The following CRTC1 variants were observed in gnomAD, a reference collection of about 807,000 sequenced individuals.
CRTC1 encodes the protein CREB-regulated transcription coactivator 1.
Under a neutral mutation model 66.1 loss-of-function variants are expected in CRTC1, and 18 were observed. That is an observed-to-expected ratio of 0.27 (90% confidence interval 0.19 to 0.40). CRTC1 has a LOEUF of 0.40. CRTC1 is among the 10% of genes least tolerant of loss of function. The pLI is 1.00. For missense variants in CRTC1, 669 were observed against 887.9 expected (o/e 0.75, Z 3.13); for synonymous variants, 416 against 398.8 (o/e 1.04, Z -0.51).
intron 1 of CRTC1, among the ~76,000 whole-genome samples, chr19:18,691,107 C>A (rs1600746208): frequency 1.4e-5 from 2 of 145,752 alleles, no homozygotes; most frequent in Non-Finnish European, 3.0e-5. Context: ...GAGGCCGAGG[C>A]AGGAGGATTG....
intron 1 of CRTC1, among the ~76,000 whole-genome samples, chr19:18,693,144 A>G (rs1212601324): frequency 6.7e-6 from 1 of 149,696 alleles, no homozygotes; most frequent in Non-Finnish European, 1.5e-5. Flanking sequence ...TAATCCTAGT[A>G]TTTTGGGAGG....
rs773579892 is a variant in CRTC1, at chr19:18,683,837, G to A, written c.126+9G>A. 2.4e-6 allele frequency: 3 copies of A among 1,250,490 alleles called. No homozygotes were observed. The highest frequency in any genetic ancestry group is 3.1e-6 in the Non-Finnish European group (3 of 966,144). 77.5% of individuals were successfully genotyped at this position (1,250,490 alleles called of 1,614,324 possible). ...TGACGCGGGCCGCGCGGGTAAGGGG[G>A]CTGCCCGCGCCGACCCTTCAGGGCC... On this transcript the variant is annotated intron_variant, in intron 1 of 13. Transcript: ENST00000321949.
Position 18,718,507 on chromosome 19 carries a change from A to ATT in CRTC1, c.127-24386_127-24385dup, listed in dbSNP as rs201526045. The stretch of plus-strand genomic sequence containing the variant: ...GTGCACCACCATGCATGCCTGGCTA[A>ATT]TTTTTTTTTTTTTTTTTTAGAAACA... On this transcript the variant is annotated intron_variant, in intron 1 of 13. Coordinates refer to ENST00000321949, the MANE Select transcript of CRTC1 (RefSeq NM_015321.3). 3.6e-3 allele frequency among the ~76,000 whole-genome samples: 509 copies of ATT among 140,292 alleles called. 9 individuals are homozygous for ATT. In the East Asian group the frequency reaches 0.052, roughly 14 times the overall value. The allele number at this position is 140,292 out of a possible 152,430, so 92.0% of individuals were successfully genotyped here.
intron 1 of CRTC1, among the ~76,000 whole-genome samples, chr19:18,734,992 C>A (rs776730326): frequency 3.9e-5 from 6 of 152,202 alleles, no homozygotes; most frequent in Non-Finnish European, 7.3e-5. Context: ...GCATCCCTTA[C>A]CCCTATGGCG....
chr19:18,777,687 G>T lies in CRTC1; in HGVS notation c.*305G>T, dbSNP rs556496426. 4.9e-6 allele frequency: 2 copies of T among 411,256 alleles called. No homozygotes were observed. The highest frequency in any genetic ancestry group is 8.8e-6 in the Non-Finnish European group (2 of 227,538). The allele number at this position is 411,256 out of a possible 1,614,324, so 25.5% of individuals were successfully genotyped here. A position where few individuals can be genotyped will look rare whatever the true frequency, so the allele number is the denominator to read the frequency against. ...CGCCCCCAGCCCCGGGGCCTGAGCCGTCCCCTGTAAGATGCGGGAAGTGTC... is the reference window on the plus strand; with the variant it reads ...CGCCCCCAGCCCCGGGGCCTGAGCCTTCCCCTGTAAGATGCGGGAAGTGTC... On this transcript the variant is annotated 3_prime_UTR_variant, in exon 14 of 14. Coordinates refer to ENST00000321949, the MANE Select transcript of CRTC1 (RefSeq NM_015321.3). The surrounding 1 kb of genome is among the most constrained non-coding windows in gnomAD (Gnocchi z 5.5).
At chr19:18,763,552 G>T (rs182499107) in intron 8 of CRTC1, among the ~76,000 whole-genome samples, 34 of 152,326 alleles carry the variant, frequency 2.2e-4, no homozygotes, top group Middle Eastern at 3.4e-3. Context: ...CGGACAACGC[G>T]TTTTTTCAGA....
chr19:18,686,000 A>G (rs182588908), intron 1 of CRTC1, among the ~76,000 whole-genome samples: 13 of 152,298 alleles, frequency 8.5e-5, no homozygotes, highest in African/African-American at 2.6e-4. Context: ...GGTTTTTAGT[A>G]TATTCACAGA....
intron 1 of CRTC1, among the ~76,000 whole-genome samples, chr19:18,698,677 G>A (rs2145517638): frequency 6.6e-6 from 1 of 152,126 alleles, no homozygotes; most frequent in East Asian, 1.9e-4. Context: ...CTCAGCACAT[G>A]CACAGTGTGT....
intron 9 of CRTC1, among the ~76,000 whole-genome samples, chr19:18,766,340 T>C (rs919031125): frequency 2.7e-5 from 4 of 147,682 alleles, no homozygotes; most frequent in Admixed American, 2.1e-4. Context: ...GGTTTCACCA[T>C]GCTGGCCAGG....
intron 1 of CRTC1, among the ~76,000 whole-genome samples, chr19:18,719,734 G>A (rs1317903122): frequency 2.0e-5 from 3 of 152,208 alleles, no homozygotes; most frequent in African/African-American, 4.8e-5. Context: ...AGATCGCCCC[G>A]CGGTGCTCAG....
At chr19:18,729,852 C>G (rs549048628) in intron 1 of CRTC1, among the ~76,000 whole-genome samples, 1 of 152,286 alleles carries the variant, frequency 6.6e-6, no homozygotes, top group East Asian at 1.9e-4. Flanking sequence ...TGTCCACACT[C>G]CTTATCCTCG....
chr19:18,772,312 C>T (rs920477798), intron 11 of CRTC1, among the ~76,000 whole-genome samples: 8 of 152,210 alleles, frequency 5.3e-5, no homozygotes, highest in African/African-American at 1.9e-4. Context: ...ACCCCACATT[C>T]CATCTAGAAC....
At chr19:18,774,838 A>C (rs2054946814) in intron 11 of CRTC1, 62 bp from the exon 12 acceptor site, 1 of 1,519,074 alleles carries the variant, frequency 6.6e-7, no homozygotes. Context: ...CGGGCTTGGG[A>C]GGTGCCGACT....
intron 6 of CRTC1, among the ~76,000 whole-genome samples, chr19:18,758,954 C>T (rs73539924): frequency 0.03 from 4,626 of 152,268 alleles, 249 homozygotes; most frequent in African/African-American, 0.1. Flanking sequence ...GGGCTTAGGG[C>T]GGCCAGCTTA....
At chr19:18,759,490 C>A in intron 6 of CRTC1, 61 bp from the exon 7 acceptor site, 1 of 1,568,868 alleles carries the variant, frequency 6.4e-7, no homozygotes, top group South Asian at 1.1e-5. Context: ...GGCCCAGTGC[C>A]CAGGAGGAGG....
Position 18,685,819 on chromosome 19 carries a change from G to A in CRTC1, c.126+1991G>A, listed in dbSNP as rs1295199231. On this transcript the variant is annotated intron_variant, in intron 1 of 13. Coordinates refer to ENST00000321949, the MANE Select transcript of CRTC1 (RefSeq NM_015321.3). ...TTGTCAAATGTTTGCAGTGTGACCG[G>A]AAGAAAGGGGTCACAGTAGGTTCAT... Among the ~76,000 whole-genome samples, 11 of 152,168 alleles carry A rather than the reference G, an allele frequency of 7.2e-5. 1 individual carries two copies. The highest frequency in any genetic ancestry group is 1.5e-5 in the Non-Finnish European group (1 of 68,036).
At position 18,723,687 on chromosome 19, in the gene CRTC1, G is replaced by C. The variant is rs141753010; in HGVS notation, c.127-19223G>C. ...AAGGGGGCATCTGGTTGGTATTTCT[G>C]CCTGATTGCCATTTGTCTGGGGCCT... On this transcript the variant is annotated intron_variant, in intron 1 of 13. Coordinates refer to ENST00000321949, the MANE Select transcript of CRTC1 (RefSeq NM_015321.3). Among the ~76,000 whole-genome samples, 269 of 152,322 alleles carry C rather than the reference G, an allele frequency of 1.8e-3. 1 individual carries two copies. The highest frequency in any genetic ancestry group is 5.8e-3 in the African/African-American group (243 of 41,570).
chr19:18,773,502 C>T (rs550020118), intron 11 of CRTC1, among the ~76,000 whole-genome samples: 3 of 152,288 alleles, frequency 2.0e-5, no homozygotes, highest in East Asian at 3.9e-4. Context: ...CAGGATCAGG[C>T]GCTGTCCTGG....
chr19:18,744,351 C>T (rs983108869), intron 2 of CRTC1, among the ~76,000 whole-genome samples: 5 of 152,302 alleles, frequency 3.3e-5, no homozygotes, highest in Middle Eastern at 3.4e-3. Flanking sequence ...CGTATGGTCG[C>T]GTCGAGAGGC....
Sources: gnomAD v4.1 joint callset for allele counts (sites outside exome capture counted in the v4.1 genomes callset) on GRCh38, gnomAD v4.1.1 for gene constraint, Gnocchi (gnomAD v3.1) non-coding constraint, MANE v1.5 for transcripts, NCBI Gene and HGNC (gene_info 2026-07-23, HGNC 2026-07-21) for gene names.